ZFHX4: variants seen among roughly 807,000 people sequenced by gnomAD.
ZFHX4 encodes the protein zinc finger homeobox protein 4.
In ZFHX4, 56 loss-of-function variants were observed where a neutral mutation model predicts 267.6. The ratio of observed to expected loss-of-function variants is 0.21; its 90% CI spans 0.17 to 0.26. ZFHX4 has a LOEUF of 0.26. Among genes scored for constraint, ZFHX4 ranks in the 10% least tolerant of loss-of-function variants. The pLI, the probability that ZFHX4 is intolerant of heterozygous loss-of-function variation, is 1.00. For synonymous variants in ZFHX4, 1,778 were observed against 1,665.6 expected (o/e 1.07, Z -1.64); for missense variants, 4,332 against 4,420.0 (o/e 0.98, Z 0.56).
intron 6 of ZFHX4, among the ~76,000 whole-genome samples, chr8:76,844,147 A>G (rs961035210): frequency 1.3e-5 from 2 of 152,138 alleles, no homozygotes; most frequent in African/African-American, 4.8e-5. Flanking sequence ...GAAAGACAGT[A>G]CCATCTAAAC....
intron 3 of ZFHX4, among the ~76,000 whole-genome samples, chr8:76,709,605 T>A (rs1808369268): frequency 6.6e-6 from 1 of 152,186 alleles, no homozygotes; most frequent in African/African-American, 2.4e-5. Flanking sequence ...ACTGTGTTTA[T>A]ATTCATGCAG....
In ZFHX4 at chr8:76,838,096, G is replaced by A. The variant is rs114899484; in HGVS notation, c.3395-4559G>A. 7.4e-3 allele frequency among the ~76,000 whole-genome samples: 1,132 copies of A among 152,290 alleles called. 14 individuals are homozygous for A. The highest frequency in any genetic ancestry group is 0.026 in the African/African-American group (1,096 of 41,568). Reference sequence around the variant, plus strand: ...AGTGGAATTTACACAGTGAAGAAAAGTTGTTCTAAATAAGATAAGGAAATG... The same window carrying A: ...AGTGGAATTTACACAGTGAAGAAAAATTGTTCTAAATAAGATAAGGAAATG... On this transcript the variant is annotated intron_variant, in intron 5 of 10. Transcript: ENST00000651372.
chr8:76,853,262 A>T lies in ZFHX4; in HGVS notation c.6341A>T (p.Gln2114Leu). 6.3e-7 allele frequency: 1 copy of T among 1,594,412 alleles called. No homozygotes were observed. Residue 2114 changes from glutamine (Q) to leucine (L), a missense_variant, in exon 10 of 11, where the codon CAG becomes CTG. Physicochemically the swap from Gln to Leu is moderately radical, Grantham distance 113 (BLOSUM62 -2). Around this residue, in one of 7 missense-constraint regions of ZFHX4, gnomAD observed 1,371 missense variants for 1,423.1 expected, o/e 0.96. Transcript: ENST00000651372. The part of the protein sequence containing the change: ...ALSADLTQLC[Q>L]QQLGLDPNFL... Reference sequence around the variant, plus strand: ...TCTGCAGACCTCACCCAACTTTGCCAGCAGCAGCTCGGATTAGATCCCAAC... The same window carrying T: ...TCTGCAGACCTCACCCAACTTTGCCTGCAGCAGCTCGGATTAGATCCCAAC...
In ZFHX4 at chr8:76,706,465, C is replaced by T; in HGVS notation, c.2377C>T (p.His793Tyr). ...TCATATGACCAGCGAAAAGCACATG[C>T]ATAATATGATGCTTTTGCAGCAGAA... ...RIHMTSEKHM[H>Y]NMMLLQQNMK... Residue 793 changes from histidine (H) to tyrosine (Y), a missense_variant, in exon 2 of 11, where the codon CAT (histidine) becomes TAT (tyrosine). By Grantham distance (83) the His-to-Tyr change is moderately conservative. Coordinates refer to ENST00000651372, the MANE Select transcript of ZFHX4 (RefSeq NM_024721.5). 6.2e-7 allele frequency: 1 copy of T among 1,614,076 alleles called. No homozygotes were observed. The highest frequency in any genetic ancestry group is 2.2e-5 in the East Asian group (1 of 44,864).
intron 3 of ZFHX4, among the ~76,000 whole-genome samples, chr8:76,716,555 T>A (rs1040049371): frequency 6.6e-6 from 1 of 152,110 alleles, no homozygotes; most frequent in Non-Finnish European, 1.5e-5. Flanking sequence ...CCCACATTAA[T>A]AAGGTTTTTT....
chr8:76,775,254 A>G (rs1429358802), intron 3 of ZFHX4, among the ~76,000 whole-genome samples: 1 of 152,176 alleles, frequency 6.6e-6, no homozygotes. Context: ...GTTTTTTAAG[A>G]TTTAAGATTG....
At chr8:76,846,932 C>T (rs909076338) in intron 6 of ZFHX4, among the ~76,000 whole-genome samples, 1 of 152,102 alleles carries the variant, frequency 6.6e-6, no homozygotes, top group African/African-American at 2.4e-5. Context: ...CCTGGATCGA[C>T]TTATTGGTCC....
chr8:76,746,065 C>T lies in ZFHX4; in HGVS notation c.3094-32143C>T, dbSNP rs139378308. Among the ~76,000 whole-genome samples, 129 of 152,230 alleles carry T rather than the reference C, an allele frequency of 8.5e-4. 1 individual carries two copies. Among genetic ancestry groups the T allele is most frequent in the Middle Eastern group, 3.4e-3 (1 of 294 alleles). On this transcript the variant is annotated intron_variant, in intron 3 of 10. Coordinates refer to ENST00000651372, the MANE Select transcript of ZFHX4 (RefSeq NM_024721.5). The stretch of plus-strand genomic sequence containing the variant: ...GTGTCGGTTCTCAGGGAACTTTTCA[C>T]CTGGCTGTAATCCAATTAACGTTAT...
intron 3 of ZFHX4, among the ~76,000 whole-genome samples, chr8:76,767,646 T>A (rs374485988): frequency 1.3e-5 from 2 of 152,164 alleles, no homozygotes; most frequent in Non-Finnish European, 2.9e-5. Flanking sequence ...AACCACATTT[T>A]AAAAAAGAAA....
chr8:76,854,527 C>G lies in ZFHX4; in HGVS notation c.7606C>G (p.Pro2536Ala), dbSNP rs1270811624. ...GTTCTTGGAAAGGCCCATGGACATGCCCTACATGATATTTGACCCCAACAA... is the reference window on the plus strand; with the variant it reads ...GTTCTTGGAAAGGCCCATGGACATGGCCTACATGATATTTGACCCCAACAA... ...SPFLERPMDM[P>A]YMIFDPNNPL... The change falls in exon 10 of 11, where the codon CCC becomes GCC. Residue 2536 changes from proline (P) to alanine (A), a missense_variant. Physicochemically the swap from Pro to Ala is conservative, Grantham distance 27 (BLOSUM62 -1). Transcript: ENST00000651372. The G allele has an allele frequency of 6.2e-7, 1 of 1,613,838 alleles. No homozygotes were observed. Among genetic ancestry groups the G allele is most frequent in the South Asian group, 1.1e-5 (1 of 91,082 alleles).
At chr8:76,744,116 T>C (rs748726271) in intron 3 of ZFHX4, among the ~76,000 whole-genome samples, 13 of 152,020 alleles carry the variant, frequency 8.6e-5, no homozygotes, top group African/African-American at 3.1e-4. Context: ...GAGGCTGAGG[T>C]GGGTGGATCA....
Position 76,853,570 on chromosome 8 carries a change from C to T in ZFHX4, c.6649C>T (p.His2217Tyr), listed in dbSNP as rs768086527. 1.2e-6 allele frequency: 2 copies of T among 1,613,722 alleles called. No individual in the cohort carries two copies. The highest frequency in any genetic ancestry group is 2.2e-5 in the East Asian group (1 of 44,838). ...RIDPQPTSLEHYKSDASFSKR... is the reference protein window; with the variant it reads ...RIDPQPTSLEYYKSDASFSKR... The stretch of plus-strand genomic sequence containing the variant: ...TGATCCACAGCCCACCTCTTTAGAA[C>T]ATTACAAATCTGATGCATCATTCAG... Residue 2217 changes from histidine to tyrosine, a missense_variant, in exon 10 of 11, where the codon CAT becomes TAT. His to Tyr is a moderately conservative substitution (Grantham distance 83). Transcript: ENST00000651372.
At chr8:76,708,094 A>G in intron 3 of ZFHX4, 46 bp downstream of exon 3, 1 of 1,606,454 alleles carries the variant, frequency 6.2e-7, no homozygotes, top group Non-Finnish European at 8.5e-7. Flanking sequence ...AGAAAAGGGA[A>G]TTAACTCTTT....
At chr8:76,736,643 C>T (rs1809168617) in intron 3 of ZFHX4, among the ~76,000 whole-genome samples, 1 of 152,108 alleles carries the variant, frequency 6.6e-6, no homozygotes, top group East Asian at 1.9e-4. Context: ...GTTTGGCTCA[C>T]TGACTTCCTC....
rs373598046 is a variant in ZFHX4, at chr8:76,705,807, T to C, written c.1719T>C (p.His573=). 202 of 1,613,782 alleles carry C rather than the reference T, an allele frequency of 1.3e-4. No homozygotes were observed. The highest frequency in any genetic ancestry group is 1.6e-4 in the Non-Finnish European group (188 of 1,179,882). Residue 573 remains histidine, a synonymous_variant, in exon 2 of 11, where the codon CAT becomes CAC. Transcript: ENST00000651372. ...SASKDSATAA[H]PSEIARGDED... ...GTAAAGACAGTGCCACAGCTGCTCA[T>C]CCAAGTGAAATAGCCCGGGGAGACG...
chr8:76,694,943 G>T (rs1807918591), intron 1 of ZFHX4, among the ~76,000 whole-genome samples: 1 of 151,772 alleles, frequency 6.6e-6, no homozygotes, highest in Non-Finnish European at 1.5e-5. Flanking sequence ...CATTTGTCAT[G>T]GCTGAAGTGA....
chr8:76,856,629 A>G (rs1812735677), intron 10 of ZFHX4, among the ~76,000 whole-genome samples: 1 of 152,172 alleles, frequency 6.6e-6, no homozygotes, highest in African/African-American at 2.4e-5. Context: ...CAGCACTCAC[A>G]TGTGGCTTAG....
intron 3 of ZFHX4, among the ~76,000 whole-genome samples, chr8:76,754,671 C>T (rs1441550995): frequency 6.6e-6 from 1 of 151,952 alleles, no homozygotes; most frequent in Admixed American, 6.6e-5. Context: ...TATTTATTAC[C>T]TCAAACATTT....
intron 5 of ZFHX4, among the ~76,000 whole-genome samples, chr8:76,835,260 T>TATATGTATATATATGTGTA (rs1563549213): frequency 1.4e-5 from 2 of 143,586 alleles, no homozygotes; most frequent in Admixed American, 7.1e-5. Flanking sequence ...TATATATATA[T>TATATGTATATATATGTGTA]TCATACATAT....
Sources: gnomAD v4.1 joint callset for allele counts (sites outside exome capture counted in the v4.1 genomes callset) on GRCh38, gnomAD v4.1.1 for gene constraint, gnomAD v4.1.1 regional missense constraint, MANE v1.5 for transcripts, NCBI Gene and HGNC (gene_info 2026-07-23, HGNC 2026-07-21) for gene names.